PWWP2A: variants seen among roughly 807,000 people sequenced by gnomAD.
PWWP2A encodes the protein PWWP domain containing 2A.
Under a neutral mutation model 48.5 loss-of-function variants are expected in PWWP2A, and 18 were observed. The observed-to-expected ratio is 0.37, with a 90% confidence interval of 0.26 to 0.55. The LOEUF (loss-of-function observed/expected upper bound fraction) is 0.55, where lower values mean the gene tolerates loss of function less well. Ranked by LOEUF, PWWP2A falls within the 20% of genes least tolerant of loss-of-function variation. PWWP2A has a pLI of 0.81. For missense variants in PWWP2A, 867 were observed against 976.4 expected, an observed-to-expected ratio of 0.89 and a Z score of 1.49; for synonymous variants, 396 against 387.7, an observed-to-expected ratio of 1.02 and a Z score of -0.25.
Position 160,119,333 on chromosome 5 carries a change from C to T in PWWP2A, c.56G>A (p.Gly19Asp). ...CATCTCCGGCTCGGCCTCGCCGGCGCCCCCCTCCCCGGGGGACGCTGCAGT... is the reference window on the plus strand; with the variant it reads ...CATCTCCGGCTCGGCCTCGCCGGCGTCCCCCTCCCCGGGGGACGCTGCAGT... Reference protein sequence around the residue: ...AATAASPGEGGAGEAEPEMEP... With the variant: ...AATAASPGEGDAGEAEPEMEP... Residue 19 changes from glycine (G) to aspartate (D), a missense_variant, in exon 1 of 2, where the codon GGC becomes GAC. By Grantham distance (94) the Gly-to-Asp change is moderately conservative. Coordinates refer to ENST00000307063, the MANE Select transcript of PWWP2A (RefSeq NM_001130864.2). 3 of 1,388,784 alleles carry T rather than the reference C, an allele frequency of 2.2e-6. No individual in the cohort carries two copies. The highest frequency in any genetic ancestry group is 3.1e-5 in the East Asian group (1 of 32,560). 86.0% of individuals were successfully genotyped at this position (1,388,784 alleles called of 1,614,324 possible). A position where few individuals can be genotyped will look rare whatever the true frequency, so the allele number is the denominator to read the frequency against.
intron 2 of PWWP2A, among the ~76,000 whole-genome samples, chr5:160,068,939 T>A (rs1753679580): frequency 6.6e-6 from 1 of 152,190 alleles, no homozygotes; most frequent in Non-Finnish European, 1.5e-5. Flanking sequence ...GTCATCTCCA[T>A]AAATTTTAAG....
At chr5:160,053,388 C>T in the PWWP2A span, among the ~76,000 whole-genome samples, 1 of 152,052 alleles carries the variant, frequency 6.6e-6, no homozygotes, top group Non-Finnish European at 1.5e-5. Context: ...GCCTGGGCAA[C>T]ATGGCAAAAT....
chr5:160,064,916 T>C, intron 4 of PWWP2A: 1 of 1,604,296 alleles, frequency 6.2e-7, no homozygotes, highest in Non-Finnish European at 8.5e-7. Flanking sequence ...TTTGAGTTTT[T>C]GCTTTTACAT....
At chr5:160,104,182 G>A (rs1756622672) in intron 1 of PWWP2A, among the ~76,000 whole-genome samples, 1 of 149,140 alleles carries the variant, frequency 6.7e-6, no homozygotes, top group South Asian at 2.1e-4. Context: ...GAGAGTGATA[G>A]CAATGGCTCA....
Position 160,119,147 on chromosome 5 carries a change from C to A in PWWP2A, c.242G>T (p.Ser81Ile), listed in dbSNP as rs1758458400. Residue 81 changes from serine (S) to isoleucine (I), a missense_variant, in exon 1 of 2, where the codon AGC (serine) becomes ATC (isoleucine). Physicochemically the swap from Ser to Ile is moderately radical, Grantham distance 142 (BLOSUM62 -2). Coordinates refer to ENST00000307063, the MANE Select transcript of PWWP2A (RefSeq NM_001130864.2). ...CAGCTCCGGCCCCACCGCCTCTGGGCTGCGGGCGAGCTCCCCCGGCGGCGG... is the reference window on the plus strand; with the variant it reads ...CAGCTCCGGCCCCACCGCCTCTGGGATGCGGGCGAGCTCCCCCGGCGGCGG... ...PPPPPGELARSPEAVGPELEA... is the reference protein window; with the variant it reads ...PPPPPGELARIPEAVGPELEA... 1 of 1,556,444 alleles carries A rather than the reference C, an allele frequency of 6.4e-7. No homozygotes were observed. Among genetic ancestry groups the A allele is most frequent in the Non-Finnish European group, 8.6e-7 (1 of 1,163,992 alleles).
chr5:160,114,311 C>G (rs1001348920), intron 1 of PWWP2A, among the ~76,000 whole-genome samples: 1 of 151,892 alleles, frequency 6.6e-6, no homozygotes, highest in Non-Finnish European at 1.5e-5. Flanking sequence ...GCAGGAGGAT[C>G]ACTTGAGGTC....
chr5:160,104,849 T>C (rs1756704249), intron 1 of PWWP2A, among the ~76,000 whole-genome samples: 1 of 152,064 alleles, frequency 6.6e-6, no homozygotes, highest in South Asian at 2.1e-4. Flanking sequence ...ACAGCTATTC[T>C]AGTCTGATCC....
intron 1 of PWWP2A, among the ~76,000 whole-genome samples, chr5:160,105,237 G>T (rs1260603272): frequency 3.1e-5 from 2 of 64,542 alleles, no homozygotes; most frequent in African/African-American, 1.4e-4. Context: ...CTGTCTCTAA[G>T]GCAAAAAAAA....
At chr5:160,047,108 A>C in the PWWP2A span, among the ~76,000 whole-genome samples, 1 of 152,186 alleles carries the variant, frequency 6.6e-6, no homozygotes, top group Non-Finnish European at 1.5e-5. Flanking sequence ...TTAAAATATA[A>C]AACTAATAAA....
At chr5:160,075,000 TG>T (rs1753834432), downstream of PWWP2A, among the ~76,000 whole-genome samples, 4 of 152,188 alleles carry the variant, frequency 2.6e-5, no homozygotes, top group African/African-American at 9.6e-5. Flanking sequence ...CTTTCTTATG[TG>T]AAGGCCAGCA....
chr5:160,074,242 C>T (rs936910838), downstream of PWWP2A, among the ~76,000 whole-genome samples: 1 of 151,784 alleles, frequency 6.6e-6, no homozygotes, highest in African/African-American at 2.4e-5. Context: ...AGTTCGAGAC[C>T]AGCCTGACCA....
At chr5:160,070,776 G>A (rs1315233021) in intron 2 of PWWP2A, among the ~76,000 whole-genome samples, 1 of 152,214 alleles carries the variant, frequency 6.6e-6, no homozygotes, top group Non-Finnish European at 1.5e-5. Flanking sequence ...GACCTCATAC[G>A]CTGTCCTTCA....
chr5:160,058,398 GAA>G (rs1248907657), downstream of PWWP2A, among the ~76,000 whole-genome samples: 23 of 150,644 alleles, frequency 1.5e-4, no homozygotes, highest in South Asian at 6.3e-4. Flanking sequence ...ATAGCCATAT[GAA>G]GTGTATTTCT....
At chr5:160,111,332 TA>T (rs1420777283) in intron 1 of PWWP2A, among the ~76,000 whole-genome samples, 1 of 152,134 alleles carries the variant, frequency 6.6e-6, no homozygotes, top group Non-Finnish European at 1.5e-5. Context: ...TACGCCCGGC[TA>T]ATTTTTGTAT....
At chr5:160,074,064 C>CAAA (rs57010218), downstream of PWWP2A, among the ~76,000 whole-genome samples, 1 of 71,590 alleles carries the variant, frequency 1.4e-5, no homozygotes. Context: ...GACTCCGTTT[C>CAAA]AAAAAAAAAA....
At chr5:160,072,772 G>A (rs1281614230), downstream of PWWP2A, among the ~76,000 whole-genome samples, 1 of 151,894 alleles carries the variant, frequency 6.6e-6, no homozygotes, top group East Asian at 1.9e-4. Context: ...AGCCAGGTGT[G>A]ATGGCAGGTG....
the PWWP2A span, among the ~76,000 whole-genome samples, chr5:160,055,049 A>G: frequency 6.6e-6 from 1 of 152,074 alleles, no homozygotes; most frequent in Admixed American, 6.6e-5. Context: ...TTCTTTGCAC[A>G]TGAGTCATTA....
downstream of PWWP2A, among the ~76,000 whole-genome samples, chr5:160,086,495 C>T (rs73311133): frequency 0.011 from 1,661 of 152,110 alleles, 30 homozygotes; most frequent in African/African-American, 0.038. Flanking sequence ...CTAGCTTGGG[C>T]GAGACTGAGA....
In PWWP2A at chr5:160,094,038, T is replaced by C; in HGVS notation, c.612A>G (p.Thr204=). ...CCTTATATTCCCTTTTGGGAAATAC[T>C]GTCACAGGGATACCATGGGGCCCAA... ...KRFGPHGIPV[T]VFPKREYKDK... The change falls in exon 2 of 2, where the codon ACA becomes ACG. Residue 204 remains threonine (T), a synonymous_variant. Transcript: ENST00000307063. 6.2e-7 allele frequency: 1 copy of C among 1,611,994 alleles called. No individual in the cohort carries two copies. The highest frequency in any genetic ancestry group is 8.5e-7 in the Non-Finnish European group (1 of 1,178,272).
Sources: allele counts gnomAD v4.1 joint callset (sites outside exome capture counted in the v4.1 genomes callset), GRCh38; gene constraint gnomAD v4.1.1; transcripts MANE v1.5; gene names NCBI Gene and HGNC (gene_info 2026-07-23, HGNC 2026-07-21).